Variants in PRH1 observed in about 807,000 individuals in gnomAD.
PRH1 encodes the protein proline rich protein HaeIII subfamily 1, also known as salivary acidic proline-rich phosphoprotein 1/2.
PRH1 carries 7 observed loss-of-function variants against 7.9 expected under a neutral mutation model. That is an observed-to-expected ratio of 0.89 (90% confidence interval 0.50 to 1.67). The LOEUF is 1.67. Ranked by LOEUF, PRH1 falls within the 40% of genes most tolerant of loss-of-function variation. PRH1 has a pLI of 0.00. For synonymous variants in PRH1, 45 were observed against 80.8 expected, an observed-to-expected ratio of 0.56 and a Z score of 2.38; for missense variants, 109 against 223.6, an observed-to-expected ratio of 0.49 and a Z score of 3.27.
intron 1 of PRH1, among the ~76,000 whole-genome samples, chr12:11,000,089 G>A (rs899062190): frequency 6.6e-6 from 1 of 152,106 alleles, no homozygotes; most frequent in Non-Finnish European, 1.5e-5. Context: ...TAAATGTGGT[G>A]TTCAAATTAT....
At chr12:11,146,077 C>G (rs1426698771) in intron 1 of PRH1, among the ~76,000 whole-genome samples, 2 of 152,078 alleles carry the variant, frequency 1.3e-5, no homozygotes, top group African/African-American at 4.8e-5. Flanking sequence ...TTCGCTTTGA[C>G]TATATCCTAC....
intron 1 of PRH1, among the ~76,000 whole-genome samples, chr12:11,124,604 A>G (rs1946042318): frequency 6.6e-6 from 1 of 152,242 alleles, no homozygotes; most frequent in South Asian, 2.1e-4. Context: ...GCTGTTTACT[A>G]ACGTAAATTT....
chr12:11,015,036 A>G (rs1941228325), intron 1 of PRH1, among the ~76,000 whole-genome samples: 1 of 152,140 alleles, frequency 6.6e-6, no homozygotes. Flanking sequence ...GCTCAGGAAT[A>G]GGGCGAGTAG....
rs965880206 is a variant in PRH1 at position 11,042,310 on chromosome 12, G to T, written c.-126+4710C>A. Among the ~76,000 whole-genome samples the T allele has an allele frequency of 1.4e-4, 21 of 151,846 alleles. No homozygotes were observed. The South Asian group carries it at 4.4e-3, about 32-fold the overall frequency. Reference sequence around the variant, plus strand: ...ACAACTGATACAACAGAAATTCAAAGAAATATTAGTGACTAGTATGAACAA... The same window carrying T: ...ACAACTGATACAACAGAAATTCAAATAAATATTAGTGACTAGTATGAACAA... On this transcript the variant is annotated intron_variant, in intron 1 of 3. Transcript: ENST00000539853.
chr12:11,148,639 A>T (rs1400144843), intron 1 of PRH1, among the ~76,000 whole-genome samples: 3 of 123,344 alleles, frequency 2.4e-5, no homozygotes, highest in African/African-American at 8.4e-5. Context: ...GATGAAGCCC[A>T]CTTGATCATG....
intron 1 of PRH1, among the ~76,000 whole-genome samples, chr12:11,144,963 G>A (rs1477698476): frequency 6.6e-6 from 1 of 152,166 alleles, no homozygotes; most frequent in Non-Finnish European, 1.5e-5. Context: ...GGTCCTGCAG[G>A]AGCACTCTGC....
intron 2 of PRH1, among the ~76,000 whole-genome samples, chr12:10,951,639 T>A (rs1937675381): frequency 1.3e-5 from 2 of 152,328 alleles, no homozygotes; most frequent in Middle Eastern, 3.4e-3. Flanking sequence ...TGATCTCGCA[T>A]CCTTAGGCTT....
intron 1 of PRH1, among the ~76,000 whole-genome samples, chr12:11,039,153 GT>G (rs1056556643): frequency 2.1e-4 from 32 of 152,304 alleles, no homozygotes; most frequent in African/African-American, 7.5e-4. Context: ...ATATATTATT[GT>G]TGTTATTGAA....
intron 1 of PRH1, among the ~76,000 whole-genome samples, chr12:11,142,575 T>C (rs1404651602): frequency 6.6e-6 from 1 of 152,164 alleles, no homozygotes; most frequent in Non-Finnish European, 1.5e-5. Flanking sequence ...AAAAAGGTAC[T>C]ATTGCAATTC....
In PRH1 at chr12:10,904,786, G is replaced by A. The variant is rs149523826; in HGVS notation, c.-58-20511C>T. Reference sequence around the variant, plus strand: ...TTTGCAAACTATGCATGCAACAAGGGTCTAATATCCCAAATCTATAAGGAA... The same window carrying A: ...TTTGCAAACTATGCATGCAACAAGGATCTAATATCCCAAATCTATAAGGAA... On this transcript the variant is annotated intron_variant, in intron 2 of 3. Coordinates refer to the PRH1 transcript ENST00000539853. Among the ~76,000 whole-genome samples, 1,287 of 152,104 alleles carry A rather than the reference G, an allele frequency of 8.5e-3. 11 individuals are homozygous for A. Among genetic ancestry groups the A allele is most frequent in the Non-Finnish European group, 0.014 (938 of 67,990 alleles).
intron 2 of PRH1, among the ~76,000 whole-genome samples, chr12:10,932,678 C>T (rs566930941): frequency 9.9e-5 from 15 of 152,170 alleles, no homozygotes; most frequent in South Asian, 4.1e-4. Flanking sequence ...TGGTTCTATG[C>T]CTGTATTCCC....
At chr12:11,025,043 CAT>C (rs1025108681) in intron 1 of PRH1, among the ~76,000 whole-genome samples, 32 of 135,450 alleles carry the variant, frequency 2.4e-4, no homozygotes, top group African/African-American at 2.5e-4. Flanking sequence ...TTTTTTGAGA[CAT>C]AGTCTCCCTG....
At chr12:11,137,222 A>ACT (rs5796423) in intron 1 of PRH1, among the ~76,000 whole-genome samples, 69,026 of 151,858 alleles carry the variant, frequency 0.45, 16,461 homozygotes, top group Non-Finnish European at 0.52. Context: ...TTTAAATTTT[A>ACT]CTGTTTTTAT....
intron 1 of PRH1, among the ~76,000 whole-genome samples, chr12:11,151,546 T>C (rs1048408635): frequency 6.6e-6 from 1 of 152,176 alleles, no homozygotes; most frequent in African/African-American, 2.4e-5. Flanking sequence ...GCCAGCTAAA[T>C]ATGTCTTGTA....
intron 2 of PRH1, among the ~76,000 whole-genome samples, chr12:10,944,925 A>G (rs1459659490): frequency 1.3e-5 from 2 of 152,074 alleles, no homozygotes; most frequent in Middle Eastern, 3.4e-3. Context: ...ATCATGGTGG[A>G]TTAGCTTTTT....
chr12:10,938,232 A>G (rs971238164), intron 2 of PRH1: 10 of 1,454,992 alleles, frequency 6.9e-6, no homozygotes, highest in African/African-American at 4.3e-5. Flanking sequence ...ATTTCTTAGG[A>G]GCTATTTTTT....
chr12:10,982,589 T>A (rs1939409049), intron 1 of PRH1, among the ~76,000 whole-genome samples: 2 of 152,232 alleles, frequency 1.3e-5, no homozygotes, highest in East Asian at 1.9e-4. Context: ...CTGTCAGGGC[T>A]GTCACTTCTG....
chr12:11,027,851 T>A (rs542837033), intron 1 of PRH1, among the ~76,000 whole-genome samples: 20 of 152,272 alleles, frequency 1.3e-4, no homozygotes, highest in African/African-American at 4.8e-4. Flanking sequence ...CAGACAAGTA[T>A]CCTCTGTCTG....
intron 1 of PRH1, among the ~76,000 whole-genome samples, chr12:11,156,130 C>A (rs1437274697): frequency 6.6e-6 from 1 of 152,088 alleles, no homozygotes; most frequent in Non-Finnish European, 1.5e-5. Context: ...GAAAATGTAT[C>A]CTTTTGAATT....
Sources: gnomAD v4.1 joint callset for allele counts (sites outside exome capture counted in the v4.1 genomes callset) on GRCh38, gnomAD v4.1.1 for gene constraint, MANE v1.5 for transcripts, NCBI Gene and HGNC (gene_info 2026-07-23, HGNC 2026-07-21) for gene names.